TTC29: variants seen among roughly 807,000 people sequenced by gnomAD.
The protein encoded by TTC29 is tetratricopeptide repeat protein 29.
In TTC29, 49 loss-of-function variants were observed where a neutral mutation model predicts 58.1. The ratio of observed to expected loss-of-function variants is 0.84; its 90% CI spans 0.67 to 1.07. TTC29 has a LOEUF of 1.07. TTC29 is among the 50% of genes least tolerant of loss of function. TTC29 has a pLI of 0.00. For missense variants in TTC29, 582 were observed against 555.6 expected (o/e 1.05, Z -0.48); for synonymous variants, 209 against 196.8 (o/e 1.06, Z -0.52).
intron 4 of TTC29, among the ~76,000 whole-genome samples, chr4:146,915,503 C>T (rs1734164219): frequency 6.6e-6 from 1 of 151,950 alleles, no homozygotes. Context: ...ATATGGTTCC[C>T]ACTCAAGGGT....
At chr4:146,798,369 A>C (rs2150111809) in intron 11 of TTC29, among the ~76,000 whole-genome samples, 1 of 152,320 alleles carries the variant, frequency 6.6e-6, no homozygotes, top group Admixed American at 6.5e-5. Context: ...TAGTTCACTA[A>C]GATTAGCAGC....
At chr4:146,890,660 C>T (rs762332091) in intron 6 of TTC29, among the ~76,000 whole-genome samples, 13 of 152,182 alleles carry the variant, frequency 8.5e-5, no homozygotes, top group Admixed American at 2.6e-4. Flanking sequence ...TGAAATCTGG[C>T]TTCTATGATT....
chr4:146,870,651 A>C (rs1272112629), intron 7 of TTC29, among the ~76,000 whole-genome samples: 1 of 152,020 alleles, frequency 6.6e-6, no homozygotes, highest in Non-Finnish European at 1.5e-5. Context: ...AAGAATGAAA[A>C]AAGGTAAATA....
chr4:146,753,795 A>C (rs912159365), intron 11 of TTC29, among the ~76,000 whole-genome samples: 1 of 152,070 alleles, frequency 6.6e-6, no homozygotes, highest in African/African-American at 2.4e-5. Context: ...TCAGCAAACT[A>C]TTGCAAGGAC....
chr4:146,933,968 C>A (rs1354886285), intron 4 of TTC29: 1 of 152,144 alleles, frequency 6.6e-6, no homozygotes, highest in Non-Finnish European at 1.5e-5. Context: ...CAAGTTGACA[C>A]CTGCATAAGA....
At chr4:146,828,746 A>G (rs1440625289) in intron 9 of TTC29, among the ~76,000 whole-genome samples, 6 of 152,286 alleles carry the variant, frequency 3.9e-5, no homozygotes, top group South Asian at 4.1e-4. Context: ...TCTCCAAAAC[A>G]TACAAAATTA....
intron 6 of TTC29, among the ~76,000 whole-genome samples, chr4:146,875,461 T>C (rs1731195581): frequency 6.6e-6 from 1 of 152,112 alleles, no homozygotes; most frequent in Non-Finnish European, 1.5e-5. Flanking sequence ...ACCAATATCC[T>C]CTACTGCTTT....
chr4:146,936,508 G>A (rs903999960), intron 4 of TTC29, among the ~76,000 whole-genome samples: 37 of 152,108 alleles, frequency 2.4e-4, no homozygotes, highest in Admixed American at 1.3e-3. Flanking sequence ...GTTTATCACG[G>A]AAAGTTAAAT....
intron 11 of TTC29, among the ~76,000 whole-genome samples, chr4:146,797,722 T>G (rs2150111007): frequency 6.6e-6 from 1 of 151,578 alleles, no homozygotes; most frequent in South Asian, 2.1e-4. Context: ...ATGCCTCCAT[T>G]TAGTTTCTTC....
intron 11 of TTC29, among the ~76,000 whole-genome samples, chr4:146,799,110 A>G (rs902875339): frequency 3.3e-5 from 5 of 152,088 alleles, no homozygotes; most frequent in African/African-American, 1.2e-4. Flanking sequence ...ACTCTTGACT[A>G]GTAGCCTCTC....
intron 4 of TTC29, among the ~76,000 whole-genome samples, chr4:146,912,151 T>C (rs1201866958): frequency 6.6e-6 from 1 of 152,136 alleles, no homozygotes; most frequent in African/African-American, 2.4e-5. Context: ...TAAGAAAGTT[T>C]ATGAATTTGT....
chr4:146,803,757 C>G (rs1457351128), intron 10 of TTC29, 72 bp from the exon 11 acceptor site: 1 of 1,241,088 alleles, frequency 8.1e-7, no homozygotes, highest in East Asian at 2.6e-5. Flanking sequence ...CTGACCTTAC[C>G]CTGGCATGTC....
At chr4:146,782,288 T>A (rs1748675608) in intron 11 of TTC29, among the ~76,000 whole-genome samples, 1 of 151,694 alleles carries the variant, frequency 6.6e-6, no homozygotes. Context: ...GTAGCTACTT[T>A]AAAAATAAGT....
intron 6 of TTC29, among the ~76,000 whole-genome samples, chr4:146,876,266 A>G (rs888787535): frequency 6.6e-6 from 1 of 152,200 alleles, no homozygotes; most frequent in Non-Finnish European, 1.5e-5. Context: ...AATGTTATCA[A>G]TTGGTACAGT....
chr4:146,788,112 C>T (rs927729597), intron 11 of TTC29, among the ~76,000 whole-genome samples: 3 of 152,206 alleles, frequency 2.0e-5, no homozygotes, highest in Non-Finnish European at 4.4e-5. Flanking sequence ...AAGTCATTAG[C>T]TAGGACTGCA....
intron 9 of TTC29, among the ~76,000 whole-genome samples, chr4:146,832,641 T>TTGTGTGTGTGTGTGTGTGTG (rs201136243): frequency 6.6e-4 from 99 of 149,292 alleles, no homozygotes; most frequent in African/African-American, 2.4e-3. Flanking sequence ...CCAACTAATT[T>TTGTGTGTGTGTGTGTGTGTG]TGTGTGTGTG....
chr4:146,844,616 T>C (rs999247224), intron 8 of TTC29, among the ~76,000 whole-genome samples: 1 of 152,032 alleles, frequency 6.6e-6, no homozygotes, highest in African/African-American at 2.4e-5. Context: ...CCTGGGCTCA[T>C]GCAATCCACC....
rs570067845 is a variant in TTC29 at position 146,864,887 on chromosome 4, T to C, written c.885+2611A>G. Among the ~76,000 whole-genome samples the C allele has an allele frequency of 5.3e-5, 8 of 151,180 alleles. No individual in the cohort carries two copies. The South Asian group carries it at 1.7e-3, about 32-fold the overall frequency. Reference sequence around the variant, plus strand: ...GATCTTTAACTTAATTACCTCTGCATTCACAGGTTCCAGGGATTAGGAAGT... The same window carrying C: ...GATCTTTAACTTAATTACCTCTGCACTCACAGGTTCCAGGGATTAGGAAGT... On this transcript the variant is annotated intron_variant, in intron 8 of 12. Transcript: ENST00000325106.
At chr4:146,797,688 C>T (rs1749919538) in intron 11 of TTC29, among the ~76,000 whole-genome samples, 1 of 151,732 alleles carries the variant, frequency 6.6e-6, no homozygotes, top group Non-Finnish European at 1.5e-5. Flanking sequence ...CTTTTTATCA[C>T]TGATTTCAAG....
Sources: allele counts gnomAD v4.1 joint callset (sites outside exome capture counted in the v4.1 genomes callset), GRCh38; gene constraint gnomAD v4.1.1; transcripts MANE v1.5; gene names NCBI Gene and HGNC (gene_info 2026-07-23, HGNC 2026-07-21).